Variants in CPAMD8 observed in about 807,000 individuals in gnomAD.
CPAMD8 encodes C3 and PZP-like alpha-2-macroglobulin domain-containing protein 8.
CPAMD8 carries 146 observed loss-of-function variants against 224.7 expected under a neutral mutation model. That is an observed-to-expected ratio of 0.65 (90% confidence interval 0.57 to 0.75). CPAMD8 has a LOEUF of 0.75. Ranked by LOEUF, CPAMD8 falls within the 30% of genes least tolerant of loss-of-function variation. CPAMD8 has a pLI of 0.00. For synonymous variants in CPAMD8, 966 were observed against 1,044.6 expected (o/e 0.92, Z 1.45); for missense variants, 2,301 against 2,537.5 (o/e 0.91, Z 2.00).
intron 13 of CPAMD8, among the ~76,000 whole-genome samples, chr19:16,988,670 T>C (rs1384319382): frequency 6.6e-6 from 1 of 151,756 alleles, no homozygotes; most frequent in Non-Finnish European, 1.5e-5. Context: ...GCATGCATTC[T>C]GCAGAATTCT....
At chr19:16,937,905 G>A (rs900963685) in intron 23 of CPAMD8, among the ~76,000 whole-genome samples, 10 of 152,052 alleles carry the variant, frequency 6.6e-5, no homozygotes, top group African/African-American at 1.4e-4. Context: ...CACCCGCCTC[G>A]GCCTCCCAGA....
rs1568551020 is a variant in CPAMD8 at position 16,975,996 on chromosome 19, G to C, written c.1908+6C>G. The stretch of plus-strand genomic sequence containing the variant: ...TCTAGAACCCAAGCCCGAGGGGTCT[G>C]CTCACCTGGGCAGGAGTCAGCCGGA... On this transcript the variant is annotated splice_donor_region_variant and intron_variant, in intron 16 of 41. Transcript: ENST00000443236. 6.3e-7 allele frequency: 1 copy of C among 1,585,042 alleles called. No individual in the cohort carries two copies.
At chr19:16,971,093 A>G (rs2122643594) in intron 17 of CPAMD8, 60 bp from the exon 18 acceptor site, 1 of 1,446,994 alleles carries the variant, frequency 6.9e-7, no homozygotes. Context: ...AGCCCCCAGA[A>G]GCATAAGGGA....
rs145553579 is a variant in CPAMD8, at chr19:16,936,390, C to T, written c.2845+2005G>A. 1.4e-3 allele frequency among the ~76,000 whole-genome samples: 209 copies of T among 152,070 alleles called. 2 individuals carry two copies. The highest frequency in any genetic ancestry group is 6.8e-3 in the Middle Eastern group (2 of 292). On this transcript the variant is annotated intron_variant, in intron 23 of 41. Coordinates refer to ENST00000443236, the MANE Select transcript of CPAMD8 (RefSeq NM_015692.5). ...AATGTCTGGTTATTTCTTTTGCCCACTTTTTTGTTTGTTTGTTTGTTGTTG... is the reference window on the plus strand; with the variant it reads ...AATGTCTGGTTATTTCTTTTGCCCATTTTTTTGTTTGTTTGTTTGTTGTTG...
chr19:16,984,392 TAACTC>T (rs146545880), intron 13 of CPAMD8, among the ~76,000 whole-genome samples: 8,323 of 146,712 alleles, frequency 0.057, 313 homozygotes, highest in African/African-American at 0.11. Flanking sequence ...ATAAAAAAAT[TAACTC>T]AAAACAGATG....
In CPAMD8 at chr19:16,914,455, A is replaced by G; in HGVS notation, c.3830T>C (p.Val1277Ala). The change falls in exon 29 of 42, where the codon GTT becomes GCT. Residue 1277 changes from valine (V) to alanine (A), a missense_variant. By Grantham distance (64) the Val-to-Ala change is moderately conservative (BLOSUM62 0). This residue lies in a region of CPAMD8 where 1,709 missense variants were observed against 1,753.2 expected (regional missense o/e 0.97). Coordinates refer to ENST00000443236, the MANE Select transcript of CPAMD8 (RefSeq NM_015692.5). Reference protein sequence around the residue: ...GTVPLTAYVVVALLETGTASE... With the variant: ...GTVPLTAYVVAALLETGTASE... ...GGCTGTGCCTGTTTCCAGGAGAGCA[A>G]CCACCACGTAGGCTGTCAGCGGGAC... 2.5e-6 allele frequency: 4 copies of G among 1,614,158 alleles called. No individual in the cohort carries two copies. Among genetic ancestry groups the G allele is most frequent in the Non-Finnish European group, 2.5e-6 (3 of 1,180,024 alleles).
chr19:16,929,062 G>A lies in CPAMD8; in HGVS notation c.3024C>T (p.Thr1008=), dbSNP rs1197906716. The stretch of plus-strand genomic sequence containing the variant: ...TCTTGCTGGTGGAGATCCATGACCT[G>A]GTGTTCTGATGCCCCCCCAGGACGA... ...IEIVLGGHQN[T]RSWISTSKMG... Residue 1008 remains threonine, a synonymous_variant, in exon 24 of 42, where the codon ACC becomes ACT. Transcript: ENST00000443236. The A allele has an allele frequency of 2.5e-6, 4 of 1,613,936 alleles. No homozygotes were observed. Among genetic ancestry groups the A allele is most frequent in the East Asian group, 4.5e-5 (2 of 44,882 alleles).
intron 18 of CPAMD8, among the ~76,000 whole-genome samples, chr19:16,965,899 T>C (rs1341641415): frequency 1.3e-5 from 2 of 152,128 alleles, no homozygotes; most frequent in Admixed American, 6.5e-5. Context: ...ATCAATATAG[T>C]TAAAATGGCC....
At chr19:17,003,078 T>A (rs927436438) in intron 8 of CPAMD8, among the ~76,000 whole-genome samples, 2 of 151,424 alleles carry the variant, frequency 1.3e-5, no homozygotes, top group Non-Finnish European at 2.9e-5. Context: ...AATTTTTGTA[T>A]TTTTAGTAGA....
chr19:17,021,053 C>T (rs1039461890), intron 2 of CPAMD8, among the ~76,000 whole-genome samples: 5 of 152,182 alleles, frequency 3.3e-5, no homozygotes, highest in African/African-American at 7.2e-5. Flanking sequence ...CAGCATAGGC[C>T]TTCCCCTCTG....
chr19:16,896,275 G>A lies in CPAMD8; in HGVS notation c.5327C>T (p.Ser1776Phe). ...SSSTYGDDLA[S>F]VAPGPLQQDV... is the part of the protein sequence containing the mutation. ...CTGCTGTAAAGGCCCCGGGGCCACA[G>A]AAGCCAGGTCATCCCCGTAGGTGGA... is the stretch of plus-strand genomic sequence containing the variant. The change falls in exon 41 of 42, where the codon TCT becomes TTT. Residue 1776 changes from serine (S) to phenylalanine (F), a missense_variant. This residue lies in a region of CPAMD8 where 1,709 missense variants were observed against 1,753.2 expected (regional missense o/e 0.97). Coordinates refer to ENST00000443236, the MANE Select transcript of CPAMD8 (RefSeq NM_015692.5). 1 of 1,613,342 alleles carries A rather than the reference G, an allele frequency of 6.2e-7. No homozygotes were observed. The highest frequency in any genetic ancestry group is 1.1e-5 in the South Asian group (1 of 91,072).
chr19:16,895,766 T>G (rs753524395), intron 41 of CPAMD8: 34 of 379,226 alleles, frequency 9.0e-5, no homozygotes, highest in South Asian at 6.3e-4. Context: ...ATTTTTAGAT[T>G]AGGGATGCTG....
At chr19:16,910,966 C>A (rs1371983422) in intron 29 of CPAMD8, among the ~76,000 whole-genome samples, 2 of 152,148 alleles carry the variant, frequency 1.3e-5, no homozygotes, top group Non-Finnish European at 2.9e-5. Flanking sequence ...CCTGCCAATG[C>A]CTTGATTTTG....
Position 16,945,563 on chromosome 19 carries a change from T to G in CPAMD8, c.2779A>C (p.Ser927Arg), listed in dbSNP as rs1327483678. ...CACGGCCTTACCTCAACCATCACAC[T>G]GCGCCTGACGTGATCCACCCCGATG... Reference protein sequence around the residue: ...VPIGVDHVRRSVMVEAEGVPR... With the variant: ...VPIGVDHVRRRVMVEAEGVPR... Residue 927 changes from serine to arginine, a missense_variant, in exon 22 of 42, where the codon AGT becomes CGT. Ser to Arg is a moderately radical substitution (Grantham distance 110). This residue lies in a region of CPAMD8 where 1,709 missense variants were observed against 1,753.2 expected (regional missense o/e 0.97). Transcript: ENST00000443236. The G allele has an allele frequency of 1.2e-6, 2 of 1,613,906 alleles. No individual in the cohort carries two copies. Among genetic ancestry groups the G allele is most frequent in the Non-Finnish European group, 1.7e-6 (2 of 1,179,914 alleles).
intron 23 of CPAMD8, 137 bp downstream of exon 23, chr19:16,938,258 C>T (rs2053763766): frequency 3.7e-6 from 2 of 543,676 alleles, no homozygotes; most frequent in African/African-American, 2.0e-5. Context: ...TCCTAAACCA[C>T]AGTGCCCCCT....
intron 39 of CPAMD8, chr19:16,897,228 C>T (rs1160044557): frequency 1.4e-5 from 2 of 143,842 alleles, no homozygotes; most frequent in African/African-American, 6.2e-5. Flanking sequence ...CACATCCACT[C>T]TCAACCCCGT....
intron 3 of CPAMD8, among the ~76,000 whole-genome samples, chr19:17,016,633 G>A (rs561057872): frequency 1.3e-5 from 2 of 152,214 alleles, no homozygotes; most frequent in African/African-American, 2.4e-5. Flanking sequence ...TGGTGGGGGC[G>A]TCTGCAGTCC....
intron 27 of CPAMD8, among the ~76,000 whole-genome samples, chr19:16,916,978 G>A (rs1962251026): frequency 1.3e-5 from 2 of 152,102 alleles, no homozygotes; most frequent in Non-Finnish European, 2.9e-5. Context: ...AAGGAGGCAA[G>A]GACAGAACCA....
intron 12 of CPAMD8, among the ~76,000 whole-genome samples, chr19:16,991,089 A>G (rs1289576327): frequency 1.5e-5 from 2 of 134,638 alleles, no homozygotes; most frequent in African/African-American, 2.6e-5. Flanking sequence ...AATCATGCAG[A>G]CGAAATGAGG....
Sources: allele counts gnomAD v4.1 joint callset (sites outside exome capture counted in the v4.1 genomes callset), GRCh38; gene constraint gnomAD v4.1.1; regional missense constraint gnomAD v4.1.1; transcripts MANE v1.5; gene names NCBI Gene and HGNC (gene_info 2026-07-23, HGNC 2026-07-21).